The following PIK3AP1 variants were observed in gnomAD, a reference collection of about 807,000 sequenced individuals.
The protein encoded by PIK3AP1 is phosphoinositide-3-kinase adaptor protein 1.
Under a neutral mutation model 88.1 loss-of-function variants are expected in PIK3AP1, and 21 were observed. The ratio of observed to expected loss-of-function variants is 0.24; its 90% CI spans 0.17 to 0.34. PIK3AP1 has a LOEUF of 0.34. Among genes scored for constraint, PIK3AP1 ranks in the 10% least tolerant of loss-of-function variants. The pLI is 1.00. For missense variants in PIK3AP1, 828 were observed against 1,035.7 expected (o/e 0.80, Z 2.75); for synonymous variants, 398 against 400.0 (o/e 1.00, Z 0.06).
intron 2 of PIK3AP1, among the ~76,000 whole-genome samples, chr10:96,658,530 C>T (rs1564973811): frequency 6.6e-6 from 1 of 152,104 alleles, no homozygotes; most frequent in Non-Finnish European, 1.5e-5. Context: ...ACTATAAGAC[C>T]CTGACCCCTG....
chr10:96,637,537 G>A (rs1222652422), intron 8 of PIK3AP1, among the ~76,000 whole-genome samples: 1 of 151,936 alleles, frequency 6.6e-6, no homozygotes, highest in Non-Finnish European at 1.5e-5. Flanking sequence ...TTTTTTAGAA[G>A]TGGGTTTTCG....
intron 2 of PIK3AP1, among the ~76,000 whole-genome samples, chr10:96,693,091 ACT>A (rs1487007181): frequency 3.9e-5 from 6 of 152,168 alleles, no homozygotes; most frequent in Non-Finnish European, 7.4e-5. Context: ...GGCCTTCAAA[ACT>A]CTGATAGTTC....
chr10:96,649,110 G>A (rs766581814), intron 6 of PIK3AP1, among the ~76,000 whole-genome samples: 14 of 152,080 alleles, frequency 9.2e-5, no homozygotes, highest in Non-Finnish European at 1.8e-4. Context: ...GCAGTGGCGC[G>A]ATCTTGGCTC....
At chr10:96,683,778 A>G (rs1044628632) in intron 2 of PIK3AP1, among the ~76,000 whole-genome samples, 1 of 152,258 alleles carries the variant, frequency 6.6e-6, no homozygotes, top group African/African-American at 2.4e-5. Flanking sequence ...GATAAGTGAC[A>G]TATCATCCAA....
intron 16 of PIK3AP1, among the ~76,000 whole-genome samples, chr10:96,598,815 A>G (rs559911074): frequency 6.6e-5 from 10 of 152,212 alleles, no homozygotes; most frequent in Non-Finnish European, 1.5e-4. Context: ...ACAGCATTCC[A>G]GGCAAAAGGA....
At chr10:96,701,822 C>T (rs1564988987) in intron 2 of PIK3AP1, among the ~76,000 whole-genome samples, 1 of 152,112 alleles carries the variant, frequency 6.6e-6, no homozygotes, top group Non-Finnish European at 1.5e-5. Context: ...GCTGTATGAA[C>T]ATTTATTGCA....
intron 2 of PIK3AP1, among the ~76,000 whole-genome samples, chr10:96,664,507 A>T (rs890144759): frequency 6.6e-6 from 1 of 152,136 alleles, no homozygotes; most frequent in Non-Finnish European, 1.5e-5. Flanking sequence ...ATCATTTTTT[A>T]AAAATAGGCA....
intron 14 of PIK3AP1, among the ~76,000 whole-genome samples, chr10:96,607,280 C>T (rs1849018517): frequency 6.6e-6 from 1 of 152,176 alleles, no homozygotes. Context: ...GATGTGAATT[C>T]CAGACCCCCT....
chr10:96,609,913 T>C (rs1196775521), intron 13 of PIK3AP1, 46 bp from the exon 14 acceptor site: 1 of 1,597,194 alleles, frequency 6.3e-7, no homozygotes, highest in African/African-American at 1.3e-5. Context: ...TACCAGACTG[T>C]CACCTGCCAA....
intron 2 of PIK3AP1, among the ~76,000 whole-genome samples, chr10:96,658,063 C>CAAAAAAA (rs10706863): frequency 8.8e-6 from 1 of 113,940 alleles, no homozygotes; most frequent in Non-Finnish European, 1.9e-5. Context: ...AACTCCATCT[C>CAAAAAAA]AAAAAAAAAA....
intron 2 of PIK3AP1, among the ~76,000 whole-genome samples, chr10:96,706,111 T>A (rs1467808570): frequency 1.3e-5 from 2 of 151,416 alleles, no homozygotes; most frequent in Admixed American, 1.3e-4. Context: ...GCCAGGATGG[T>A]CTCAAACTCC....
intron 2 of PIK3AP1, among the ~76,000 whole-genome samples, chr10:96,696,703 T>C (rs1844225917): frequency 6.6e-6 from 1 of 152,218 alleles, no homozygotes; most frequent in Non-Finnish European, 1.5e-5. Flanking sequence ...GTTAAATACA[T>C]ACATTCCTTC....
rs1371744741 is a variant in PIK3AP1, at chr10:96,709,730, C to T, written c.267G>A (p.Gln89=). 2 of 1,614,070 alleles carry T rather than the reference C, an allele frequency of 1.2e-6. No homozygotes were observed. Among genetic ancestry groups the T allele is most frequent in the Non-Finnish European group, 1.7e-6 (2 of 1,180,036 alleles). The change falls in exon 2 of 17, where the codon CAG becomes CAA. Residue 89 remains glutamine (Q), a synonymous_variant. Coordinates refer to ENST00000339364, the MANE Select transcript of PIK3AP1 (RefSeq NM_152309.3). ...CGCGGTGCGGAGGATGGAAAGCTCT[C>T]TGCAGCAGGGGCAGCAAGGCGGGCT... ...FHKPALLPLL[Q]RAFHPPHRVV... is the part of the protein sequence containing the mutation.
At chr10:96,600,834 T>TGAC (rs1848877176) in intron 16 of PIK3AP1, among the ~76,000 whole-genome samples, 1 of 152,196 alleles carries the variant, frequency 6.6e-6, no homozygotes, top group African/African-American at 2.4e-5. Flanking sequence ...ATTTTAAACA[T>TGAC]CGAAGAGTTA....
At chr10:96,717,414 T>C (rs937744584) in intron 1 of PIK3AP1, among the ~76,000 whole-genome samples, 20 of 152,196 alleles carry the variant, frequency 1.3e-4, no homozygotes, top group South Asian at 2.1e-4. Flanking sequence ...CTGAACACCA[T>C]ATTTGAAGAG....
chr10:96,612,296 G>C (rs1331372617), intron 13 of PIK3AP1, among the ~76,000 whole-genome samples: 1 of 152,076 alleles, frequency 6.6e-6, no homozygotes, highest in Non-Finnish European at 1.5e-5. Context: ...CGCCATCAAC[G>C]CTCTGTACCA....
At chr10:96,672,857 T>G (rs1429224517) in intron 2 of PIK3AP1, among the ~76,000 whole-genome samples, 1 of 152,092 alleles carries the variant, frequency 6.6e-6, no homozygotes, top group Non-Finnish European at 1.5e-5. Context: ...TCAGCTGGAG[T>G]TGTCTCAGCG....
chr10:96,642,055 T>C (rs1033676025), intron 8 of PIK3AP1, among the ~76,000 whole-genome samples: 1 of 152,124 alleles, frequency 6.6e-6, no homozygotes, highest in African/African-American at 2.4e-5. Flanking sequence ...AAGGTTAAAC[T>C]TGACGCCACA....
At chr10:96,670,482 G>A (rs1843830676) in intron 2 of PIK3AP1, among the ~76,000 whole-genome samples, 1 of 152,116 alleles carries the variant, frequency 6.6e-6, no homozygotes, top group Non-Finnish European at 1.5e-5. Context: ...GTACTGGAGA[G>A]ACCACACAGG....
Sources: gnomAD v4.1 joint callset for allele counts (sites outside exome capture counted in the v4.1 genomes callset) on GRCh38, gnomAD v4.1.1 for gene constraint, MANE v1.5 for transcripts, NCBI Gene and HGNC (gene_info 2026-07-23, HGNC 2026-07-21) for gene names.